Variants in PTH2R observed in about 807,000 individuals in gnomAD.
PTH2R encodes the protein parathyroid hormone 2 receptor, also known as PTH2 receptor.
A neutral mutation model predicts 60.3 loss-of-function variants in PTH2R; 59 were observed. The observed-to-expected ratio is 0.98, with a 90% CI of 0.79 to 1.22. PTH2R has a LOEUF of 1.22. Ranked by LOEUF, PTH2R falls within the 50% of genes most tolerant of loss-of-function variation. The probability of loss-of-function intolerance (pLI) is 0.00; values close to 1 mark genes in which losing one functional copy is unlikely to be tolerated. For missense variants in PTH2R, 749 were observed against 682.6 expected, an observed-to-expected ratio of 1.10 and a Z score of -1.08; for synonymous variants, 256 against 243.8, an observed-to-expected ratio of 1.05 and a Z score of -0.47.
chr2:208,436,558 A>G (rs1048821910), intron 2 of PTH2R, among the ~76,000 whole-genome samples: 2 of 152,144 alleles, frequency 1.3e-5, no homozygotes, highest in Non-Finnish European at 2.9e-5. Flanking sequence ...CCTAGGAGTC[A>G]TTGGGAACTG....
intron 1 of PTH2R, among the ~76,000 whole-genome samples, chr2:208,413,266 A>G (rs1457753232): frequency 6.6e-6 from 1 of 152,202 alleles, no homozygotes; most frequent in Admixed American, 6.5e-5. Flanking sequence ...TGAGAAAGTG[A>G]TCCTCCTTTC....
chr2:208,422,166 A>T (rs1701769303), intron 1 of PTH2R, among the ~76,000 whole-genome samples: 2 of 152,216 alleles, frequency 1.3e-5, no homozygotes, highest in Admixed American at 6.5e-5. Context: ...AGGGAAAAAA[A>T]GGGTGCAAAT....
chr2:208,489,219 C>T, intron 11 of PTH2R, 69 bp downstream of exon 11: 5 of 1,587,462 alleles, frequency 3.1e-6, no homozygotes, highest in Non-Finnish European at 4.3e-6. Flanking sequence ...TCACTTACAA[C>T]CTTTTTCTCT....
chr2:208,418,731 AT>A (rs1574855538), intron 1 of PTH2R, among the ~76,000 whole-genome samples: 1 of 151,982 alleles, frequency 6.6e-6, no homozygotes, highest in East Asian at 1.9e-4. Context: ...GTATCTGTAT[AT>A]TTTCCCTCTT....
Position 208,486,357 on chromosome 2 carries a change from G to C in PTH2R, c.1077-2655G>C, listed in dbSNP as rs141310633. ...AAAACCCAGATGGCTGAGCCTGGAG[G>C]ATACCCACTACATTTTGGTTGCCTA... On this transcript the variant is annotated intron_variant, in intron 10 of 12. Transcript: ENST00000272847. 1.3e-5 allele frequency among the ~76,000 whole-genome samples: 2 copies of C among 152,324 alleles called. 1 individual carries two copies. The highest frequency in any genetic ancestry group is 3.9e-4 in the East Asian group (2 of 5,192).
At position 208,419,253 on chromosome 2, in the gene PTH2R, G is replaced by T. The variant is rs554295848; in HGVS notation, c.76-8948G>T. Among the ~76,000 whole-genome samples the T allele has an allele frequency of 2.0e-5, 3 of 152,296 alleles. No homozygotes were observed. In the East Asian group the frequency reaches 5.8e-4, roughly 29 times the overall value. On this transcript the variant is annotated intron_variant, in intron 1 of 12. Transcript: ENST00000272847. ...TGGTATCTCATTGTGGTTTTGATTT[G>T]CATTTCTCTGATGGCCAGTGATGCT...
At chr2:208,426,068 T>C (rs943608047) in intron 1 of PTH2R, among the ~76,000 whole-genome samples, 5 of 152,242 alleles carry the variant, frequency 3.3e-5, no homozygotes, top group Admixed American at 6.5e-5. Flanking sequence ...AGCTAACTTA[T>C]GGATTTATGG....
chr2:208,483,387 G>A (rs1344982486), intron 10 of PTH2R, among the ~76,000 whole-genome samples: 1 of 152,222 alleles, frequency 6.6e-6, no homozygotes, highest in Admixed American at 6.5e-5. Flanking sequence ...GAAGAGTGTA[G>A]TGGTGTTTAG....
chr2:208,491,153 A>G (rs1325652806), intron 12 of PTH2R, among the ~76,000 whole-genome samples: 1 of 152,206 alleles, frequency 6.6e-6, no homozygotes, highest in Non-Finnish European at 1.5e-5. Context: ...TTTACCTTGT[A>G]ACTTTTAATA....
At chr2:208,396,279 A>T (rs1701205702) in intron 1 of PTH2R, among the ~76,000 whole-genome samples, 1 of 152,228 alleles carries the variant, frequency 6.6e-6, no homozygotes, top group Non-Finnish European at 1.5e-5. Flanking sequence ...AAACACCAAA[A>T]GTAATGGCAA....
rs1703458351 is a variant in PTH2R, at chr2:208,493,489, T to G, written c.1483T>G (p.Tyr495Asp). The change falls in exon 13 of 13, where the codon TAT becomes GAT. Residue 495 changes from tyrosine to aspartate, a missense_variant. By Grantham distance (160) the Tyr-to-Asp change is radical. Transcript: ENST00000272847. ...TGACAGCCACATCACTTTACCTGGC[T>G]ATGTCTGGAGTAACTCAGAGCAGGA... ...QPDSHITLPG[Y>D]VWSNSEQDCL... 2 of 1,613,332 alleles carry G rather than the reference T, an allele frequency of 1.2e-6. No individual in the cohort carries two copies. The highest frequency in any genetic ancestry group is 4.5e-5 in the East Asian group (2 of 44,864).
At chr2:208,368,134 G>A (rs1376513115) in intron 1 of PTH2R, among the ~76,000 whole-genome samples, 1 of 152,118 alleles carries the variant, frequency 6.6e-6, no homozygotes, top group Non-Finnish European at 1.5e-5. Flanking sequence ...CAACCACAGA[G>A]CACTTTACCT....
At chr2:208,422,797 A>C (rs1013492505) in intron 1 of PTH2R, among the ~76,000 whole-genome samples, 1 of 152,164 alleles carries the variant, frequency 6.6e-6, no homozygotes, top group Non-Finnish European at 1.5e-5. Context: ...AAACTACAGT[A>C]AAATATCACA....
At chr2:208,483,080 G>A (rs1188515595) in intron 10 of PTH2R, among the ~76,000 whole-genome samples, 1 of 152,098 alleles carries the variant, frequency 6.6e-6, no homozygotes, top group Non-Finnish European at 1.5e-5. Flanking sequence ...TTTCAGGGGG[G>A]GTCCCTGCAG....
intron 10 of PTH2R, 123 bp from the exon 11 acceptor site, chr2:208,488,889 A>G (rs1348895948): frequency 3.0e-6 from 3 of 986,590 alleles, no homozygotes; most frequent in East Asian, 5.2e-5. Context: ...TCAAGAAAAG[A>G]TAAAAAGAAA....
At chr2:208,379,115 C>T (rs1700863812) in intron 1 of PTH2R, among the ~76,000 whole-genome samples, 1 of 152,168 alleles carries the variant, frequency 6.6e-6, no homozygotes, top group Admixed American at 6.5e-5. Context: ...CTCTGCAGTT[C>T]ATACCACCAT....
intron 2 of PTH2R, among the ~76,000 whole-genome samples, chr2:208,434,167 A>G (rs1702027365): frequency 6.6e-6 from 1 of 152,128 alleles, no homozygotes; most frequent in African/African-American, 2.4e-5. Context: ...TACAAAAATT[A>G]GCTGGGTGTG....
intron 2 of PTH2R, among the ~76,000 whole-genome samples, chr2:208,429,904 C>T (rs940601364): frequency 6.6e-6 from 1 of 152,162 alleles, no homozygotes; most frequent in Non-Finnish European, 1.5e-5. Flanking sequence ...GAATTTAGCT[C>T]AACTACATTA....
chr2:208,388,136 C>G (rs1411558707), intron 1 of PTH2R, among the ~76,000 whole-genome samples: 1 of 149,114 alleles, frequency 6.7e-6, no homozygotes, highest in African/African-American at 2.5e-5. Context: ...GGTGAAACCC[C>G]CCCCCCCGTC....
Sources: gnomAD v4.1 joint callset for allele counts (sites outside exome capture counted in the v4.1 genomes callset) on GRCh38, gnomAD v4.1.1 for gene constraint, MANE v1.5 for transcripts, NCBI Gene and HGNC (gene_info 2026-07-23, HGNC 2026-07-21) for gene names.